The following SACS variants were observed in gnomAD, a reference collection of about 807,000 sequenced individuals.
SACS encodes sacsin.
In SACS, 197 loss-of-function variants were observed where a neutral mutation model predicts 348.0. The observed-to-expected ratio is 0.57, with a 90% confidence interval of 0.50 to 0.64. The LOEUF is 0.64. SACS is among the 30% of genes least tolerant of loss of function. SACS has a pLI of 0.00. For synonymous variants in SACS, 1,985 were observed against 1,910.6 expected (o/e 1.04, Z -1.02); for missense variants, 4,999 against 5,360.8 (o/e 0.93, Z 2.11).
chr13:23,376,676 GGTAA>G, intron 2 of SACS, among the ~76,000 whole-genome samples: 1 of 152,138 alleles, frequency 6.6e-6, no homozygotes, highest in East Asian at 1.9e-4. Context: ...ACTTGGGAGA[GGTAA>G]GTAAGTATGC....
rs1712012647 is a variant in SACS, at chr13:23,337,337, G to GC, written c.6538dup (p.Ala2180GlyfsTer7). The GC allele has an allele frequency of 1.2e-6, 2 of 1,613,734 alleles. No individual in the cohort carries two copies. The highest frequency in any genetic ancestry group is 1.7e-5 in the Admixed American group (1 of 59,974). On this transcript the variant is annotated frameshift_variant, in exon 10 of 10. Transcript: ENST00000382292. LOFTEE classifies it high-confidence loss of function. Reference sequence around the variant, plus strand: ...TAAGATACTACTTCTTAGGCATGCAGCAACATGATCACTTTTATTAATTTC... The same window carrying GC: ...TAAGATACTACTTCTTAGGCATGCAGCCAACATGATCACTTTTATTAATTTC...
At chr13:23,370,035 T>C (rs1871289581) in intron 4 of SACS, among the ~76,000 whole-genome samples, 1 of 151,742 alleles carries the variant, frequency 6.6e-6, no homozygotes, top group Non-Finnish European at 1.5e-5. Flanking sequence ...ATTTTTTCTA[T>C]TTTTAGTAGA....
At chr13:23,354,168 T>C (rs1412522096) in intron 8 of SACS, among the ~76,000 whole-genome samples, 1 of 152,204 alleles carries the variant, frequency 6.6e-6, no homozygotes, top group Non-Finnish European at 1.5e-5. Context: ...AAGAATTACT[T>C]AATATACTAT....
Position 23,330,924 on chromosome 13 carries a change from A to G in SACS, c.12952T>C (p.Trp4318Arg), listed in dbSNP as rs762499265. The G allele has an allele frequency of 3.1e-6, 5 of 1,614,136 alleles. No homozygotes were observed. Among genetic ancestry groups the G allele is most frequent in the Non-Finnish European group, 3.4e-6 (4 of 1,180,020 alleles). The change falls in exon 10 of 10, where the codon TGG becomes CGG. Residue 4318 changes from tryptophan (W) to arginine (R), a missense_variant. Physicochemically the swap from Trp to Arg is moderately radical, Grantham distance 101 (BLOSUM62 -3). Around this residue, in one of 6 missense-constraint regions of SACS, gnomAD observed 831 missense variants for 941.8 expected, o/e 0.88. Transcript: ENST00000382292. ...KEVTSVVEQA[W>R]KLPESERKKI... Reference sequence around the variant, plus strand: ...TTTCGTTCCGATTCTGGAAGCTTCCATGCTTGCTCCACCACAGATGTCACT... The same window carrying G: ...TTTCGTTCCGATTCTGGAAGCTTCCGTGCTTGCTCCACCACAGATGTCACT...
At position 23,329,859 on chromosome 13, in the gene SACS, T is replaced by C. The variant is rs1883354988; in HGVS notation, c.*277A>G. The C allele has an allele frequency of 1.9e-6, 1 of 512,936 alleles. No homozygotes were observed. The highest frequency in any genetic ancestry group is 3.4e-5 in the Admixed American group (1 of 29,044). The allele number at this position is 512,936 out of a possible 1,614,324, so 31.8% of individuals were successfully genotyped here. On this transcript the variant is annotated 3_prime_UTR_variant, in exon 10 of 10. Coordinates refer to ENST00000382292, the MANE Select transcript of SACS (RefSeq NM_014363.6). ...TCTTATCTAACAAACTGCTAAGCTTTGGTTATATAAAGTGCAGTTCAATGA... is the reference window on the plus strand; with the variant it reads ...TCTTATCTAACAAACTGCTAAGCTTCGGTTATATAAAGTGCAGTTCAATGA...
intron 2 of SACS, among the ~76,000 whole-genome samples, chr13:23,399,648 T>A (rs774326308): frequency 5.1e-4 from 77 of 152,042 alleles, no homozygotes; most frequent in Non-Finnish European, 8.2e-4. Flanking sequence ...CCCCCTTCCC[T>A]CCTTTGTTTG....
rs771923767 is a variant in SACS, at chr13:23,337,311, A to C, written c.6565T>G (p.Leu2189Val). Residue 2189 changes from leucine (L) to valine (V), a missense_variant, in exon 10 of 10, where the codon TTG becomes GTG. Physicochemically the swap from Leu to Val is conservative, Grantham distance 32. This residue lies in a region of SACS where 3,156 missense variants were observed against 3,380.1 expected (regional missense o/e 0.93). Coordinates refer to ENST00000382292, the MANE Select transcript of SACS (RefSeq NM_014363.6). ...VAACLRSSIL[L>V]SLIDEKLKIR... ...TTTAGTTTCTCATCGATAAGACTCA[A>C]TAAGATACTACTTCTTAGGCATGCA... 6 of 1,613,814 alleles carry C rather than the reference A, an allele frequency of 3.7e-6. No individual in the cohort carries two copies. The African/African-American group carries it at 8.0e-5, about 22-fold the overall frequency.
Position 23,341,521 on chromosome 13 carries a change from A to AT in SACS, c.2354dup (p.Asn785LysfsTer14). The AT allele has an allele frequency of 6.2e-7, 1 of 1,613,958 alleles. No homozygotes were observed. Among genetic ancestry groups the AT allele is most frequent in the Non-Finnish European group, 8.5e-7 (1 of 1,179,978 alleles). The stretch of plus-strand genomic sequence containing the variant: ...AATCCTCTGAAAAATGTATATAAAG[A>AT]TTTTTCCAAACCATCTTAAGCCATG... On this transcript the variant is annotated frameshift_variant, in exon 10 of 10. Transcript: ENST00000382292. LOFTEE classifies it high-confidence loss of function.
At chr13:23,383,148 C>A (rs917183685) in intron 2 of SACS, among the ~76,000 whole-genome samples, 4 of 151,996 alleles carry the variant, frequency 2.6e-5, no homozygotes, top group Admixed American at 2.0e-4. Context: ...AATATTATAG[C>A]TACAAAATTA....
intron 2 of SACS, among the ~76,000 whole-genome samples, chr13:23,378,531 C>A (rs1214062190): frequency 6.6e-6 from 1 of 151,952 alleles, no homozygotes; most frequent in African/African-American, 2.4e-5. Context: ...GCCTCTGCAT[C>A]CTGGGTTCAA....
chr13:23,400,397 C>T (rs113513456), intron 2 of SACS, among the ~76,000 whole-genome samples: 4,810 of 152,154 alleles, frequency 0.032, 96 homozygotes, highest in Middle Eastern at 0.054. Context: ...AGTCCTCAGT[C>T]ACTTTGGTTA....
Position 23,338,953 on chromosome 13 carries a change from T to A in SACS, c.4923A>T (p.Gly1641=). ...TTCTAAAGGACAGTCGGAAAAGGGT[T>A]CCATTATAGCTGTAAGGTGCTTCTA... is the stretch of plus-strand genomic sequence containing the variant. The part of the protein sequence containing the change: ...LTVEAPYSYN[G]TLFRLSFRTQ... The change falls in exon 10 of 10, where the codon GGA becomes GGT. Residue 1641 remains glycine, a synonymous_variant. Transcript: ENST00000382292. 1 of 1,613,898 alleles carries A rather than the reference T, an allele frequency of 6.2e-7. No individual in the cohort carries two copies. The highest frequency in any genetic ancestry group is 8.5e-7 in the Non-Finnish European group (1 of 1,179,934).
chr13:23,390,740 C>T (rs1047548783), intron 2 of SACS, among the ~76,000 whole-genome samples: 1 of 152,186 alleles, frequency 6.6e-6, no homozygotes, highest in Non-Finnish European at 1.5e-5. Flanking sequence ...TTATGTTATT[C>T]TCATGAAGAA....
rs758709901 is a variant in SACS, at chr13:23,336,128, A to G, written c.7748T>C (p.Leu2583Ser). The G allele has an allele frequency of 6.2e-7, 1 of 1,613,022 alleles. No homozygotes were observed. Among genetic ancestry groups the G allele is most frequent in the South Asian group, 1.1e-5 (1 of 91,018 alleles). ...GTACACACAAAGTGCTGGCCCTTGC[A>G]ATGGGGCCCACTTATCATCAAATAT... ...DRIFDDKWAP[L>S]QGPALCVYNN... Residue 2583 changes from leucine to serine, a missense_variant, in exon 10 of 10, where the codon TTG (leucine) becomes TCG (serine). This residue lies in a region of SACS where 3,156 missense variants were observed against 3,380.1 expected (regional missense o/e 0.93). Coordinates refer to ENST00000382292, the MANE Select transcript of SACS (RefSeq NM_014363.6).
chr13:23,421,355 G>A (rs1873932392), intron 1 of SACS, among the ~76,000 whole-genome samples: 1 of 151,994 alleles, frequency 6.6e-6, no homozygotes, highest in Admixed American at 6.5e-5. Flanking sequence ...GCATTTACTT[G>A]GCACCTAGTT....
At chr13:23,400,452 G>A (rs1031081083) in intron 2 of SACS, among the ~76,000 whole-genome samples, 4 of 151,944 alleles carry the variant, frequency 2.6e-5, no homozygotes, top group South Asian at 2.1e-4. Flanking sequence ...AAGGGGTCTC[G>A]CTCTGTCACC....
rs201021919 is a variant in SACS, at chr13:23,354,671, C to A, written c.1941G>T (p.Lys647Asn). The change falls in exon 8 of 10, where the codon AAG becomes AAT. Residue 647 changes from lysine (K) to asparagine (N), a missense_variant. By Grantham distance (94) the Lys-to-Asn change is moderately conservative. This residue lies in a region of SACS where 3,156 missense variants were observed against 3,380.1 expected (regional missense o/e 0.93). Transcript: ENST00000382292. ...AAAGCACAAATTCTAGAAGGTGAAG[C>A]TTTTCTTCAGCACAGCCCAGGTGTG... is the stretch of plus-strand genomic sequence containing the variant. Reference protein sequence around the residue: ...KCAHLGCAEEKLHLLEFVLSD... With the variant: ...KCAHLGCAEENLHLLEFVLSD... 50 of 1,614,080 alleles carry A rather than the reference C, an allele frequency of 3.1e-5. No homozygotes were observed. Among genetic ancestry groups the A allele is most frequent in the Middle Eastern group, 3.3e-4 (2 of 6,084 alleles).
At chr13:23,387,650 T>C (rs1872351623) in intron 2 of SACS, among the ~76,000 whole-genome samples, 1 of 152,114 alleles carries the variant, frequency 6.6e-6, no homozygotes, top group East Asian at 1.9e-4. Flanking sequence ...ATCTGGGAAG[T>C]TGCCATTCAC....
Position 23,335,897 on chromosome 13 carries a change from G to T in SACS, c.7979C>A (p.Ser2660Tyr). The T allele has an allele frequency of 1.2e-6, 2 of 1,613,346 alleles. No individual in the cohort carries two copies. The highest frequency in any genetic ancestry group is 8.5e-7 in the Non-Finnish European group (1 of 1,179,398). The change falls in exon 10 of 10, where the codon TCC (serine) becomes TAC (tyrosine). Residue 2660 changes from serine (S) to tyrosine (Y), a missense_variant. Around this residue, in one of 6 missense-constraint regions of SACS, gnomAD observed 3,156 missense variants for 3,380.1 expected, o/e 0.93. Transcript: ENST00000382292. The surrounding 1 kb of genome is among the most constrained non-coding windows in gnomAD (Gnocchi z 4.7). ...TCTAAACATGCGTCCGGGACTAATG[G>T]ATGTGGCCCCTGGTGCATATCTGGC... is the stretch of plus-strand genomic sequence containing the variant. ...PHARYAPGAT[S>Y]ISPGRMFRDL...
Sources: gnomAD v4.1 joint callset for allele counts (sites outside exome capture counted in the v4.1 genomes callset) on GRCh38, gnomAD v4.1.1 for gene constraint, gnomAD v4.1.1 regional missense constraint, Gnocchi (gnomAD v3.1) non-coding constraint, MANE v1.5 for transcripts, NCBI Gene and HGNC (gene_info 2026-07-23, HGNC 2026-07-21) for gene names.